The following HDAC9 variants were observed in gnomAD, a reference collection of about 807,000 sequenced individuals.
HDAC9 encodes MEF-2 interacting transcription repressor (MITR) protein.
Under a neutral mutation model 139.4 loss-of-function variants are expected in HDAC9, and 41 were observed. The ratio of observed to expected loss-of-function variants is 0.29; its 90% confidence interval spans 0.23 to 0.38. HDAC9 has a LOEUF of 0.38. Among genes scored for constraint, HDAC9 ranks in the 10% least tolerant of loss-of-function variants. HDAC9 has a pLI of 1.00. For missense variants in HDAC9, 1,147 were observed against 1,297.0 expected (o/e 0.88, Z 1.78); for synonymous variants, 517 against 476.2 (o/e 1.09, Z -1.12).
At chr7:18,642,519 C>T (rs148373595) in intron 8 of HDAC9, among the ~76,000 whole-genome samples, 62 of 152,172 alleles carry the variant, frequency 4.1e-4, no homozygotes, top group East Asian at 1.4e-3. Flanking sequence ...GTTTCCTCAT[C>T]GACAGCATGA....
In HDAC9 at chr7:18,935,845, C is replaced by G. The variant is rs763752280; in HGVS notation, c.2840C>G (p.Ala947Gly). ...GHLTKQLMTL[A>G]DGRVVLALEG... is the part of the protein sequence containing the mutation. ...TTGACGAAGCAATTGATGACATTGGCTGATGGACGTGTGGTGTTGGCTCTA... is the reference window on the plus strand; with the variant it reads ...TTGACGAAGCAATTGATGACATTGGGTGATGGACGTGTGGTGTTGGCTCTA... Residue 947 changes from alanine (A) to glycine (G), a missense_variant, in exon 23 of 26, where the codon GCT becomes GGT. By Grantham distance (60) the Ala-to-Gly change is moderately conservative. Transcript: ENST00000686413. 12 of 1,613,410 alleles carry G rather than the reference C, an allele frequency of 7.4e-6. No homozygotes were observed. In the Admixed American group the frequency reaches 1.0e-4, roughly 13 times the overall value.
In HDAC9 at chr7:18,594,414, G is replaced by A. The variant is rs561895972; in HGVS notation, c.664+385G>A. On this transcript the variant is annotated intron_variant, in intron 6 of 25. Coordinates refer to ENST00000686413, the MANE Select transcript of HDAC9 (RefSeq NM_178425.4). ...TACCTCAACCATTTACCACAAAAAC[G>A]AGAATAATAAAGTTTAATTTTTCCA... 1.1e-4 allele frequency among the ~76,000 whole-genome samples: 16 copies of A among 152,026 alleles called. No individual in the cohort carries two copies. The East Asian group carries it at 1.9e-3, about 18-fold the overall frequency.
At chr7:18,219,944 T>C (rs1374616910) in intron 2 of HDAC9, among the ~76,000 whole-genome samples, 1 of 152,180 alleles carries the variant, frequency 6.6e-6, no homozygotes, top group East Asian at 1.9e-4. Flanking sequence ...GTGGCTTTGG[T>C]CCTTTCAGCC....
At chr7:18,244,569 C>A (rs887320904) in intron 2 of HDAC9, among the ~76,000 whole-genome samples, 1 of 152,064 alleles carries the variant, frequency 6.6e-6, no homozygotes, top group African/African-American at 2.4e-5. Flanking sequence ...GAGGCCAGGG[C>A]GGGTGGATTA....
chr7:18,992,356 C>G (rs1358653811), intron 25 of HDAC9, among the ~76,000 whole-genome samples: 1 of 152,020 alleles, frequency 6.6e-6, no homozygotes, highest in Admixed American at 6.6e-5. Flanking sequence ...AAGTGCATGA[C>G]AGATCTAGTA....
At chr7:18,155,925 T>C (rs763342707) in intron 1 of HDAC9, among the ~76,000 whole-genome samples, 1 of 152,208 alleles carries the variant, frequency 6.6e-6, no homozygotes, top group Non-Finnish European at 1.5e-5. Flanking sequence ...AATCACCGAC[T>C]GCATTGCTGA....
chr7:18,576,464 C>T (rs1285858204), intron 2 of HDAC9, among the ~76,000 whole-genome samples: 1 of 151,986 alleles, frequency 6.6e-6, no homozygotes, highest in Admixed American at 6.6e-5. Flanking sequence ...GAGTTCAAAA[C>T]CAGCTTGGCA....
At position 19,000,071 on chromosome 7, in the gene HDAC9, C is replaced by T. The variant is rs1203212631; in HGVS notation, c.*4009C>T. ...AACAACACACCTGTTGAACTATTTT[C>T]ATAAAGATGGCGTTTTCACTTTCAA... On this transcript the variant is annotated 3_prime_UTR_variant, in exon 26 of 26. Transcript: ENST00000686413. 6.6e-6 allele frequency: 1 copy of T among 152,168 alleles called. No homozygotes were observed. Among genetic ancestry groups the T allele is most frequent in the African/African-American group, 2.4e-5 (1 of 41,424 alleles). 9.4% of individuals were successfully genotyped at this position (152,168 alleles called of 1,614,324 possible). A position where few individuals can be genotyped will look rare whatever the true frequency, so the allele number is the denominator to read the frequency against.
intron 16 of HDAC9, among the ~76,000 whole-genome samples, chr7:18,775,407 G>A (rs1015220894): frequency 6.6e-6 from 1 of 151,982 alleles, no homozygotes; most frequent in African/African-American, 2.4e-5. Flanking sequence ...AGTAAAACAA[G>A]GTGTGCCTGT....
At chr7:18,531,066 C>T (rs1375675580) in intron 2 of HDAC9, among the ~76,000 whole-genome samples, 2 of 152,052 alleles carry the variant, frequency 1.3e-5, no homozygotes, top group African/African-American at 4.8e-5. Context: ...TATTCACTTT[C>T]AGCATTGTCT....
chr7:18,559,259 G>A (rs1427292811), intron 2 of HDAC9, among the ~76,000 whole-genome samples: 2 of 151,968 alleles, frequency 1.3e-5, no homozygotes, highest in Non-Finnish European at 2.9e-5. Flanking sequence ...CCTCTCTCCC[G>A]GCCCAGATCT....
At chr7:18,263,885 CT>C (rs1795838868) in intron 2 of HDAC9, among the ~76,000 whole-genome samples, 1 of 152,144 alleles carries the variant, frequency 6.6e-6, no homozygotes, top group Non-Finnish European at 1.5e-5. Flanking sequence ...TCCCAAAGTG[CT>C]GGGATTACAG....
chr7:18,329,796 C>A (rs1226525690), intron 1 of HDAC9, among the ~76,000 whole-genome samples: 1 of 151,756 alleles, frequency 6.6e-6, no homozygotes, highest in Non-Finnish European at 1.5e-5. Context: ...GCCTTTTATG[C>A]ATTTTATGTA....
chr7:18,607,218 A>G (rs1373364273), intron 6 of HDAC9, among the ~76,000 whole-genome samples: 2 of 152,222 alleles, frequency 1.3e-5, no homozygotes, highest in African/African-American at 4.8e-5. Context: ...GCAAGTATCA[A>G]ATGACAATTG....
chr7:18,277,484 GGGA>G (rs1796815114), intron 2 of HDAC9, among the ~76,000 whole-genome samples: 1 of 152,170 alleles, frequency 6.6e-6, no homozygotes, highest in Non-Finnish European at 1.5e-5. Context: ...TGTGCAAGGT[GGGA>G]GGAGGAGGAT....
At chr7:18,235,778 A>T (rs1159220978) in intron 2 of HDAC9, among the ~76,000 whole-genome samples, 1 of 152,154 alleles carries the variant, frequency 6.6e-6, no homozygotes, top group Non-Finnish European at 1.5e-5. Flanking sequence ...TAAAGAACTT[A>T]CCTAAGGTCA....
chr7:18,470,860 C>A (rs964211293), intron 1 of HDAC9, among the ~76,000 whole-genome samples: 1 of 151,962 alleles, frequency 6.6e-6, no homozygotes. Context: ...TGTGCTTAAC[C>A]AGTTGCATAT....
chr7:18,295,454 C>G lies in HDAC9; in HGVS notation c.-42+4939C>G, dbSNP rs540893438. ...TAAAATTGCATTGCATTTTAACATA[C>G]TGACTAATCAGTTTTACTGTTGACT... is the stretch of plus-strand genomic sequence containing the variant. On this transcript the variant is annotated intron_variant, in intron 1 of 3. Coordinates refer to the HDAC9 transcript ENST00000413509. 1.7e-4 allele frequency among the ~76,000 whole-genome samples: 26 copies of G among 152,180 alleles called. 1 individual carries two copies. In the South Asian group the frequency reaches 5.4e-3, roughly 32 times the overall value.
At chr7:18,135,663 T>C (rs1182319196) in intron 1 of HDAC9, among the ~76,000 whole-genome samples, 1 of 142,424 alleles carries the variant, frequency 7.0e-6, no homozygotes, top group Non-Finnish European at 1.5e-5. Context: ...TAGTATTCCA[T>C]GGTGTATATG....
Sources: allele counts gnomAD v4.1 joint callset (sites outside exome capture counted in the v4.1 genomes callset), GRCh38; gene constraint gnomAD v4.1.1; transcripts MANE v1.5; gene names NCBI Gene and HGNC (gene_info 2026-07-23, HGNC 2026-07-21).